ASTN2: variants seen among roughly 807,000 people sequenced by gnomAD.
The protein encoded by ASTN2 is astrotactin-2.
Under a neutral mutation model 139.8 loss-of-function variants are expected in ASTN2, and 54 were observed. That is an observed-to-expected ratio of 0.39 (90% CI 0.31 to 0.48). The LOEUF (loss-of-function observed/expected upper bound fraction) is 0.48. Among genes scored for constraint, ASTN2 ranks in the 20% least tolerant of loss-of-function variants. The pLI is 0.95. For missense variants in ASTN2, 1,565 were observed against 1,725.1 expected (o/e 0.91, Z 1.64); for synonymous variants, 756 against 719.5 (o/e 1.05, Z -0.81).
intron 16 of ASTN2, among the ~76,000 whole-genome samples, chr9:116,669,510 A>AT (rs1194868775): frequency 6.6e-6 from 1 of 152,196 alleles, no homozygotes; most frequent in Non-Finnish European, 1.5e-5. Context: ...GCTCTGAATC[A>AT]TTGTCAGCAC....
intron 10 of ASTN2, among the ~76,000 whole-genome samples, chr9:116,937,416 C>T (rs940740375): frequency 1.3e-5 from 2 of 152,202 alleles, no homozygotes; most frequent in African/African-American, 4.8e-5. Context: ...ACACTTCCCT[C>T]AGATCTCATT....
At chr9:116,469,811 A>G (rs1848758222) in intron 20 of ASTN2, among the ~76,000 whole-genome samples, 1 of 152,222 alleles carries the variant, frequency 6.6e-6, no homozygotes, top group African/African-American at 2.4e-5. Flanking sequence ...GTTAATACAC[A>G]CATAAATCTG....
chr9:117,369,886 C>G (rs968048478), intron 1 of ASTN2, among the ~76,000 whole-genome samples: 1 of 152,084 alleles, frequency 6.6e-6, no homozygotes, highest in African/African-American at 2.4e-5. Context: ...AGGAGGAACC[C>G]CATCCACACC....
chr9:116,786,992 C>T (rs1030318563), intron 13 of ASTN2, among the ~76,000 whole-genome samples: 7 of 152,146 alleles, frequency 4.6e-5, no homozygotes, highest in Admixed American at 2.6e-4. Flanking sequence ...TTCCTGCTGC[C>T]CTGTGAAGAC....
At chr9:116,438,332 T>G (rs761471170) in intron 22 of ASTN2, among the ~76,000 whole-genome samples, 1 of 152,180 alleles carries the variant, frequency 6.6e-6, no homozygotes, top group Non-Finnish European at 1.5e-5. Flanking sequence ...CTTCAAAAGC[T>G]TACCATTACC....
intron 17 of ASTN2, among the ~76,000 whole-genome samples, chr9:116,625,102 T>C (rs941583283): frequency 9.2e-5 from 14 of 152,136 alleles, no homozygotes; most frequent in Admixed American, 3.3e-4. Context: ...AGCCAAAAAG[T>C]GGTGGTCAAC....
At chr9:117,357,230 AT>A (rs1829565272) in intron 1 of ASTN2, among the ~76,000 whole-genome samples, 1 of 152,346 alleles carries the variant, frequency 6.6e-6, no homozygotes. Context: ...AGTCAAAAGA[AT>A]TTTTAATATA....
In ASTN2 at chr9:116,855,626, C is replaced by G. The variant is rs563990954; in HGVS notation, c.2040+7957G>C. Reference sequence around the variant, plus strand: ...CATGCTTCCTGACATTGGGGACATTCGCCTTATCCCTAGGGAACTATTCTC... The same window carrying G: ...CATGCTTCCTGACATTGGGGACATTGGCCTTATCCCTAGGGAACTATTCTC... On this transcript the variant is annotated intron_variant, in intron 11 of 22. Coordinates refer to ENST00000313400, the MANE Select transcript of ASTN2 (RefSeq NM_001365068.1). Among the ~76,000 whole-genome samples, 51 of 152,268 alleles carry G rather than the reference C, an allele frequency of 3.3e-4. No individual in the cohort carries two copies. The South Asian group carries it at 5.6e-3, about 17-fold the overall frequency.
chr9:116,632,183 AGG>A (rs1264046872), intron 17 of ASTN2, among the ~76,000 whole-genome samples: 273 of 22,902 alleles, frequency 0.012, 20 homozygotes, highest in East Asian at 0.1. Context: ...AGAGAGAGAG[AGG>A]GAGAGAGAGA....
intron 10 of ASTN2, among the ~76,000 whole-genome samples, chr9:116,920,529 C>T (rs1032881124): frequency 5.3e-4 from 81 of 152,204 alleles, no homozygotes; most frequent in African/African-American, 1.9e-3. Context: ...GCTCACAGTG[C>T]CTTCTTGCCT....
chr9:116,495,516 G>A (rs1358524633), intron 19 of ASTN2, among the ~76,000 whole-genome samples: 1 of 151,264 alleles, frequency 6.6e-6, no homozygotes, highest in Non-Finnish European at 1.5e-5. Context: ...AGTTGTGTCT[G>A]AGGCCTAGAT....
rs563068626 is a variant in ASTN2 at position 116,484,975 on chromosome 9, G to A, written c.3497+2384C>T. ...GTCCAGCTGACATCAAGCCCCTACA[G>A]CGTCACCCAGAGACAGGGTTACTCC... On this transcript the variant is annotated intron_variant, in intron 20 of 22. Transcript: ENST00000313400. Among the ~76,000 whole-genome samples, 79 of 152,292 alleles carry A rather than the reference G, an allele frequency of 5.2e-4. 1 individual carries two copies. The South Asian group carries it at 6.4e-3, about 12-fold the overall frequency.
At chr9:117,155,549 C>G (rs962195635) in intron 3 of ASTN2, among the ~76,000 whole-genome samples, 2 of 151,890 alleles carry the variant, frequency 1.3e-5, no homozygotes, top group African/African-American at 4.8e-5. Context: ...AACCTCAAAA[C>G]CAAGCCCCTC....
intron 2 of ASTN2, among the ~76,000 whole-genome samples, chr9:117,217,660 T>C (rs937815405): frequency 5.9e-5 from 9 of 152,200 alleles, no homozygotes; most frequent in East Asian, 3.8e-4. Context: ...ACAAGAGTCA[T>C]AATGCCACCT....
At chr9:116,544,891 T>C (rs1852026604) in intron 19 of ASTN2, among the ~76,000 whole-genome samples, 1 of 152,212 alleles carries the variant, frequency 6.6e-6, no homozygotes, top group African/African-American at 2.4e-5. Context: ...TCCCCCTTAT[T>C]CCCAGCTGCA....
intron 19 of ASTN2, among the ~76,000 whole-genome samples, chr9:116,501,992 C>T (rs1049016839): frequency 6.6e-6 from 1 of 151,968 alleles, no homozygotes; most frequent in Admixed American, 6.6e-5. Flanking sequence ...TCCCTGGAGG[C>T]AACAAGCCTC....
chr9:116,515,145 C>T (rs575561273), intron 19 of ASTN2, among the ~76,000 whole-genome samples: 3 of 152,146 alleles, frequency 2.0e-5, no homozygotes, highest in Non-Finnish European at 4.4e-5. Context: ...ACTGCCCTAT[C>T]TCTGAATTTT....
chr9:117,173,541 A>G (rs561309227), intron 3 of ASTN2, among the ~76,000 whole-genome samples: 3 of 152,258 alleles, frequency 2.0e-5, no homozygotes, highest in African/African-American at 7.2e-5. Flanking sequence ...AGTACCCAGA[A>G]CATATTATTT....
At chr9:116,602,208 G>GGGGA (rs758421522) in intron 19 of ASTN2, among the ~76,000 whole-genome samples, 4 of 152,164 alleles carry the variant, frequency 2.6e-5, no homozygotes, top group Non-Finnish European at 5.9e-5. Flanking sequence ...AGAAGACAGA[G>GGGGA]GGGAGTAAGC....
Sources: allele counts gnomAD v4.1 joint callset (sites outside exome capture counted in the v4.1 genomes callset), GRCh38; gene constraint gnomAD v4.1.1; transcripts MANE v1.5; gene names NCBI Gene and HGNC (gene_info 2026-07-23, HGNC 2026-07-21).